The following SLAMF1 variants were observed in gnomAD, a reference collection of about 807,000 sequenced individuals.
SLAMF1 encodes signaling lymphocytic activation molecule.
SLAMF1 carries 18 observed loss-of-function variants against 35.1 expected under a neutral mutation model. The ratio of observed to expected loss-of-function variants is 0.51; its 90% CI spans 0.35 to 0.76. SLAMF1 has a LOEUF of 0.76. Ranked by LOEUF, SLAMF1 falls within the 30% of genes least tolerant of loss-of-function variation. The pLI is 0.01. For synonymous variants in SLAMF1, 168 were observed against 157.2 expected, an observed-to-expected ratio of 1.07 and a Z score of -0.51; for missense variants, 392 against 413.0, an observed-to-expected ratio of 0.95 and a Z score of 0.44.
At chr1:160,634,554 T>C (rs1346379608) in intron 3 of SLAMF1, 59 bp downstream of exon 3, 1 of 1,507,172 alleles carries the variant, frequency 6.6e-7, no homozygotes, top group Non-Finnish European at 9.0e-7. Flanking sequence ...AATTGGACCA[T>C]GTGAAGACTG....
In SLAMF1 at chr1:160,609,100, G is replaced by C. The variant is rs182539139; in HGVS notation, c.*1648C>G. The C allele has an allele frequency of 6.6e-6, 1 of 152,446 alleles. No homozygotes were observed. The highest frequency in any genetic ancestry group is 1.9e-4 in the East Asian group (1 of 5,178). 9.4% of individuals were successfully genotyped at this position (152,446 alleles called of 1,614,324 possible). ...AGTGCAGCAGTAACAGTAATATCAAGTTTCCAAGTCCAGCAGAGACAGTGA... is the reference window on the plus strand; with the variant it reads ...AGTGCAGCAGTAACAGTAATATCAACTTTCCAAGTCCAGCAGAGACAGTGA... On this transcript the variant is annotated 3_prime_UTR_variant, in exon 7 of 7. Coordinates refer to ENST00000302035, the MANE Select transcript of SLAMF1 (RefSeq NM_003037.5).
In SLAMF1 at chr1:160,620,281, T is replaced by C. The variant is rs190118709; in HGVS notation, c.791-432A>G. 4.1e-4 allele frequency among the ~76,000 whole-genome samples: 62 copies of C among 152,328 alleles called. 1 individual carries two copies. The East Asian group carries it at 0.011, about 26-fold the overall frequency. ...CAGGGCTAGTTGTTTATACCTCTTTTGTATTTTCCAGCTGGTAGTATGTTG... is the reference window on the plus strand; with the variant it reads ...CAGGGCTAGTTGTTTATACCTCTTTCGTATTTTCCAGCTGGTAGTATGTTG... On this transcript the variant is annotated intron_variant, in intron 4 of 6. Coordinates refer to ENST00000302035, the MANE Select transcript of SLAMF1 (RefSeq NM_003037.5).
intron 1 of SLAMF1, among the ~76,000 whole-genome samples, chr1:160,639,598 T>C (rs957269239): frequency 1.3e-5 from 2 of 152,004 alleles, no homozygotes; most frequent in Admixed American, 6.6e-5. Context: ...TCTGAACCCT[T>C]TTCACCTCCT....
intron 3 of SLAMF1, among the ~76,000 whole-genome samples, chr1:160,626,318 T>C (rs1659877530): frequency 6.6e-6 from 1 of 152,250 alleles, no homozygotes; most frequent in East Asian, 1.9e-4. Flanking sequence ...AAACTAACGA[T>C]GACTGGGTGC....
intron 6 of SLAMF1, among the ~76,000 whole-genome samples, chr1:160,611,717 A>C (rs1408597): frequency 0.86 from 131,033 of 152,170 alleles, 57,003 homozygotes; most frequent in Non-Finnish European, 0.94. Context: ...ATATGCAAGT[A>C]TCATTTTGAG....
chr1:160,617,590 G>T (rs188986012), intron 5 of SLAMF1, among the ~76,000 whole-genome samples: 151 of 152,160 alleles, frequency 9.9e-4, no homozygotes, highest in Admixed American at 9.8e-3. Flanking sequence ...AAAGAATAAA[G>T]AATTCAATTT....
chr1:160,619,579 A>T (rs760575322), intron 5 of SLAMF1, among the ~76,000 whole-genome samples, 197 bp downstream of exon 5: 1 of 152,204 alleles, frequency 6.6e-6, no homozygotes, highest in South Asian at 2.1e-4. Context: ...ACTCATGACC[A>T]GAAAATTATC....
Position 160,645,566 on chromosome 1 carries a change from G to A in SLAMF1, c.76+1304C>T, listed in dbSNP as rs537873768. ...ATGGAAAAGTCCAGTTCACAGTTCAGCACCATCACTCCATCACACCTTACA... is the reference window on the plus strand; with the variant it reads ...ATGGAAAAGTCCAGTTCACAGTTCAACACCATCACTCCATCACACCTTACA... On this transcript the variant is annotated intron_variant, in intron 1 of 6. Coordinates refer to ENST00000302035, the MANE Select transcript of SLAMF1 (RefSeq NM_003037.5). Among the ~76,000 whole-genome samples, 49 of 152,284 alleles carry A rather than the reference G, an allele frequency of 3.2e-4. No homozygotes were observed. In the South Asian group the frequency reaches 3.5e-3, roughly 11 times the overall value.
chr1:160,644,217 T>C (rs943265862), intron 1 of SLAMF1, among the ~76,000 whole-genome samples: 1 of 152,190 alleles, frequency 6.6e-6, no homozygotes, highest in East Asian at 1.9e-4. Context: ...TTCTAATTTT[T>C]ACCATGGGAC....
Position 160,634,824 on chromosome 1 carries a change from G to A in SLAMF1, c.489C>T (p.Gly163=). The A allele has an allele frequency of 6.2e-7, 1 of 1,614,144 alleles. No homozygotes were observed. Among genetic ancestry groups the A allele is most frequent in the Non-Finnish European group, 8.5e-7 (1 of 1,180,016 alleles). Residue 163 remains glycine, a synonymous_variant, in exon 3 of 7, where the codon GGC becomes GGT. Coordinates refer to ENST00000302035, the MANE Select transcript of SLAMF1 (RefSeq NM_003037.5). ...QENGTCTLIL[G]CTVEKGDHVA... The stretch of plus-strand genomic sequence containing the variant: ...CATGGTCCCCCTTCTCCACTGTGCA[G>A]CCCAGTATCAAGGTGCAGGTCCCGT...
At chr1:160,646,177 G>A (rs1571024499) in intron 1 of SLAMF1, among the ~76,000 whole-genome samples, 1 of 152,174 alleles carries the variant, frequency 6.6e-6, no homozygotes, top group South Asian at 2.1e-4. Flanking sequence ...GGTAGCTCTT[G>A]TCTGGCCTTC....
chr1:160,623,290 C>G (rs1659714701), intron 4 of SLAMF1, among the ~76,000 whole-genome samples: 1 of 152,144 alleles, frequency 6.6e-6, no homozygotes. Context: ...TCTGAATCAC[C>G]CATCCCTCCT....
chr1:160,647,018 C>T lies in SLAMF1; in HGVS notation c.-73G>A. 1.3e-6 allele frequency: 1 copy of T among 788,568 alleles called. No individual in the cohort carries two copies. Among genetic ancestry groups the T allele is most frequent in the Admixed American group, 2.0e-5 (1 of 50,074 alleles). 48.8% of individuals were successfully genotyped at this position (788,568 alleles called of 1,614,324 possible). On this transcript the variant is annotated 5_prime_UTR_variant, in exon 1 of 7. Transcript: ENST00000302035. ...CTCACAGATGCCAGGCAGAAGCAAG[C>T]TTCGTGTCATGCAGCAGAGGCTGTC... is the stretch of plus-strand genomic sequence containing the variant.
chr1:160,646,775 A>G, intron 1 of SLAMF1, 95 bp downstream of exon 1: 1 of 717,826 alleles, frequency 1.4e-6, no homozygotes, highest in Non-Finnish European at 2.6e-6. Flanking sequence ...GACCAAACAC[A>G]ATACCCAGCC....
intron 6 of SLAMF1, among the ~76,000 whole-genome samples, chr1:160,612,193 T>G (rs557948209): frequency 1.3e-5 from 2 of 152,186 alleles, no homozygotes; most frequent in African/African-American, 4.8e-5. Flanking sequence ...GTGGCCTCCC[T>G]TCCCCAGTCC....
chr1:160,614,547 C>T (rs1212602082), intron 5 of SLAMF1, among the ~76,000 whole-genome samples: 1 of 148,824 alleles, frequency 6.7e-6, no homozygotes, highest in East Asian at 2.0e-4. Flanking sequence ...GCACTCTAGC[C>T]TGGCGACAGA....
Position 160,624,076 on chromosome 1 carries a change from A to C in SLAMF1, c.790+20T>G. ...ACCACAGAGAGTGTGATAAGAATCT[A>C]TTTATTGCCAGACACCTACCTCTTC... On this transcript the variant is annotated intron_variant, in intron 4 of 6. Coordinates refer to ENST00000302035, the MANE Select transcript of SLAMF1 (RefSeq NM_003037.5). The C allele has an allele frequency of 6.6e-7, 1 of 1,521,384 alleles. No individual in the cohort carries two copies. Among genetic ancestry groups the C allele is most frequent in the Non-Finnish European group, 9.0e-7 (1 of 1,105,614 alleles). 94.2% of individuals were successfully genotyped at this position (1,521,384 alleles called of 1,614,324 possible). A position where few individuals can be genotyped will look rare whatever the true frequency, so the allele number is the denominator to read the frequency against.
chr1:160,646,915 A>T lies in SLAMF1; in HGVS notation c.31T>A (p.Phe11Ile). The T allele has an allele frequency of 1.9e-6, 3 of 1,607,112 alleles. No individual in the cohort carries two copies. ...AAAGCCAGGGAGAGAAACAGCACGA[A>T]GGTCAAGGAGAGGAGCCCCTTGGGA... MDPKGLLSLT[F>I]VLFLSLAFGA... The change falls in exon 1 of 7, where the codon TTC (phenylalanine) becomes ATC (isoleucine). Residue 11 changes from phenylalanine to isoleucine, a missense_variant. Phe to Ile is a conservative substitution (Grantham distance 21). Coordinates refer to ENST00000302035, the MANE Select transcript of SLAMF1 (RefSeq NM_003037.5).
chr1:160,621,315 C>T (rs183469215), intron 4 of SLAMF1, among the ~76,000 whole-genome samples: 1 of 152,204 alleles, frequency 6.6e-6, no homozygotes, highest in Admixed American at 6.5e-5. Context: ...AATCACAGCA[C>T]TATGGGAGGC....
Sources: allele counts gnomAD v4.1 joint callset (sites outside exome capture counted in the v4.1 genomes callset), GRCh38; gene constraint gnomAD v4.1.1; transcripts MANE v1.5; gene names NCBI Gene and HGNC (gene_info 2026-07-23, HGNC 2026-07-21).